ZBTB8OS: variants seen among roughly 807,000 people sequenced by gnomAD.
ZBTB8OS encodes the protein tRNA splicing ligase complex subunit 1, also known as tRNA-splicing ligase-activating factor archease.
ZBTB8OS carries 16 observed loss-of-function variants against 29.3 expected under a neutral mutation model. The ratio of observed to expected loss-of-function variants is 0.55; its 90% CI spans 0.37 to 0.83. The LOEUF (loss-of-function observed/expected upper bound fraction) is 0.83. Ranked by LOEUF, ZBTB8OS falls within the 40% of genes least tolerant of loss-of-function variation. The probability of loss-of-function intolerance (pLI) is 0.00; values close to 1 mark genes in which losing one functional copy is unlikely to be tolerated. For missense variants in ZBTB8OS, 160 were observed against 196.9 expected, an observed-to-expected ratio of 0.81 and a Z score of 1.12; for synonymous variants, 70 against 64.6, an observed-to-expected ratio of 1.08 and a Z score of -0.40.
chr1:32,644,674 A>G (rs1646700530), intron 1 of ZBTB8OS, among the ~76,000 whole-genome samples: 1 of 148,614 alleles, frequency 6.7e-6, no homozygotes, highest in African/African-American at 2.5e-5. Flanking sequence ...GTGCGACTAC[A>G]GGACTACACA....
At chr1:32,640,506 A>G (rs1250180740) in intron 1 of ZBTB8OS, among the ~76,000 whole-genome samples, 1 of 152,194 alleles carries the variant, frequency 6.6e-6, no homozygotes, top group African/African-American at 2.4e-5. Flanking sequence ...TTATGCACTT[A>G]GAATGAATCT....
At position 32,634,082 on chromosome 1, in the gene ZBTB8OS, T is replaced by C. The variant is rs1311097501; in HGVS notation, c.123-10A>G. The C allele has an allele frequency of 1.3e-6, 2 of 1,543,230 alleles. No individual in the cohort carries two copies. The highest frequency in any genetic ancestry group is 2.6e-5 in the South Asian group (2 of 76,744). ...TCCCCATGCGTGTAACCTAAAGAAG[T>C]ATATTCATGCTCTGTGTAATACAAT... On this transcript the variant is annotated splice_polypyrimidine_tract_variant and intron_variant, in intron 2 of 6. Coordinates refer to ENST00000468695, the MANE Select transcript of ZBTB8OS (RefSeq NM_178547.5).
At chr1:32,631,341 C>G (rs887537005) in intron 5 of ZBTB8OS, among the ~76,000 whole-genome samples, 1 of 122,240 alleles carries the variant, frequency 8.2e-6, no homozygotes, top group Non-Finnish European at 1.7e-5. Context: ...GGAGACAGAA[C>G]AAGACCCTGT....
At chr1:32,634,289 CG>C (rs1645792758) in intron 2 of ZBTB8OS, 1 of 348,790 alleles carries the variant, frequency 2.9e-6, no homozygotes, top group Admixed American at 4.5e-5. Flanking sequence ...TGCAGTAGTG[CG>C]ATCTCGGGTC....
chr1:32,626,417 C>T (rs539396999), intron 6 of ZBTB8OS, among the ~76,000 whole-genome samples: 10 of 152,252 alleles, frequency 6.6e-5, no homozygotes, highest in Non-Finnish European at 1.3e-4. Context: ...GAATGTATCC[C>T]AGTAGTTAAG....
At chr1:32,627,384 G>T in intron 6 of ZBTB8OS, 124 bp downstream of exon 6, 1 of 820,132 alleles carries the variant, frequency 1.2e-6, no homozygotes, top group Non-Finnish European at 2.0e-6. Context: ...AGACAGGTCA[G>T]AGAAGCTTGA....
intron 6 of ZBTB8OS, among the ~76,000 whole-genome samples, chr1:32,626,883 A>C (rs1011549848): frequency 3.3e-5 from 5 of 152,210 alleles, no homozygotes; most frequent in African/African-American, 1.2e-4. Context: ...GGGGAAAAAA[A>C]TCAAAACAAT....
At chr1:32,642,270 A>G (rs963823704) in intron 1 of ZBTB8OS, among the ~76,000 whole-genome samples, 2 of 152,138 alleles carry the variant, frequency 1.3e-5, no homozygotes, top group African/African-American at 4.8e-5. Context: ...TTGGGAGGCC[A>G]AGGCAGGCAA....
chr1:32,634,552 T>C (rs1645810897), intron 2 of ZBTB8OS: 2 of 581,798 alleles, frequency 3.4e-6, no homozygotes, highest in Non-Finnish European at 6.1e-6. Context: ...TTTTTTGAGA[T>C]GGGGTCTCTC....
intron 3 of ZBTB8OS, 67 bp from the exon 4 acceptor site, chr1:32,633,794 C>G: frequency 3.4e-6 from 5 of 1,475,222 alleles, no homozygotes; most frequent in Non-Finnish European, 4.6e-6. Flanking sequence ...TTTAAAAGTG[C>G]AATAAATAAA....
rs567130209 is a variant in ZBTB8OS at position 32,621,191 on chromosome 1, G to C, written c.*671C>G. ...CAAGGTGGGCGGATCACAAGGTCAG[G>C]AGATCAAGACCATCCTAGCTAACAC... On this transcript the variant is annotated 3_prime_UTR_variant, in exon 7 of 7. Transcript: ENST00000468695. 4 of 152,284 alleles carry C rather than the reference G, an allele frequency of 2.6e-5. No homozygotes were observed. The East Asian group carries it at 7.7e-4, about 29-fold the overall frequency. The allele number at this position is 152,284 out of a possible 1,614,324, so 9.4% of individuals were successfully genotyped here. A position where few individuals can be genotyped will look rare whatever the true frequency, so the allele number is the denominator to read the frequency against.
chr1:32,633,391 AAC>A lies in ZBTB8OS; in HGVS notation c.327+252_327+253del. On this transcript the variant is annotated intron_variant, in intron 4 of 6. Transcript: ENST00000468695. ...AAAAACAGAAAAAAATGTGGATGAA[AAC>A]TGTAGGTACATTTTTATCACACAAT... 8.2e-6 allele frequency: 3 copies of A among 367,512 alleles called. No homozygotes were observed. In the South Asian group the frequency reaches 1.6e-4, roughly 19 times the overall value. The allele number at this position is 367,512 out of a possible 1,614,324, so 22.8% of individuals were successfully genotyped here.
intron 1 of ZBTB8OS, among the ~76,000 whole-genome samples, chr1:32,638,868 C>T (rs1486762442): frequency 3.3e-5 from 5 of 152,078 alleles, no homozygotes; most frequent in South Asian, 2.1e-4. Flanking sequence ...GAGTTGAGAT[C>T]GCACTACTGC....
chr1:32,641,067 G>T (rs977500709), intron 1 of ZBTB8OS, among the ~76,000 whole-genome samples: 1 of 151,080 alleles, frequency 6.6e-6, no homozygotes, highest in Non-Finnish European at 1.5e-5. Flanking sequence ...AGCTAATCGG[G>T]AGGCCGAGGC....
rs577413683 is a variant in ZBTB8OS at position 32,620,863 on chromosome 1, C to T, written c.*999G>A. On this transcript the variant is annotated 3_prime_UTR_variant, in exon 7 of 7. Coordinates refer to ENST00000468695, the MANE Select transcript of ZBTB8OS (RefSeq NM_178547.5). ...TTTATTCTCTAGTTATAAACATGTA[C>T]TCACTTTCAAATAAAATTCTATATT... 6.6e-6 allele frequency: 1 copy of T among 152,284 alleles called. No homozygotes were observed. Among genetic ancestry groups the T allele is most frequent in the South Asian group, 2.1e-4 (1 of 4,828 alleles). The allele number at this position is 152,284 out of a possible 1,614,324, so 9.4% of individuals were successfully genotyped here. A position where few individuals can be genotyped will look rare whatever the true frequency, so the allele number is the denominator to read the frequency against.
At chr1:32,644,593 CATG>C (rs1646694563) in intron 1 of ZBTB8OS, among the ~76,000 whole-genome samples, 1 of 141,562 alleles carries the variant, frequency 7.1e-6, no homozygotes, top group Admixed American at 7.5e-5. Context: ...AGTATAGTGG[CATG>C]ATGATAACCC....
intron 2 of ZBTB8OS, 89 bp from the exon 3 acceptor site, chr1:32,634,161 GATAA>G (rs1350140231): frequency 6.6e-6 from 8 of 1,220,376 alleles, no homozygotes; most frequent in Non-Finnish European, 7.6e-6. Flanking sequence ...AATTCAGTAT[GATAA>G]ATACAAATTT....
chr1:32,647,436 CAAAAA>C (rs71006349), intron 1 of ZBTB8OS, among the ~76,000 whole-genome samples: 1 of 121,888 alleles, frequency 8.2e-6, no homozygotes, highest in South Asian at 2.7e-4. Flanking sequence ...GACTCTGTCT[CAAAAA>C]AAAAAAAAAA....
Position 32,633,987 on chromosome 1 carries a change from C to T in ZBTB8OS, c.208G>A (p.Val70Met). The change falls in exon 3 of 7, where the codon GTG (valine) becomes ATG (methionine). Residue 70 changes from valine to methionine, a missense_variant. Physicochemically the swap from Val to Met is conservative, Grantham distance 21. Transcript: ENST00000468695. The stretch of plus-strand genomic sequence containing the variant: ...ACTTCTACTGTTTGGAGGGGCTCCA[C>T]TGTCCCAGTATCTGTCATGTAACCA... ...MFGYMTDTGT[V>M]EPLQTVEVET... 1 of 1,591,674 alleles carries T rather than the reference C, an allele frequency of 6.3e-7. No individual in the cohort carries two copies. Among genetic ancestry groups the T allele is most frequent in the Non-Finnish European group, 8.5e-7 (1 of 1,174,650 alleles).
Sources: gnomAD v4.1 joint callset for allele counts (sites outside exome capture counted in the v4.1 genomes callset) on GRCh38, gnomAD v4.1.1 for gene constraint, MANE v1.5 for transcripts, NCBI Gene and HGNC (gene_info 2026-07-23, HGNC 2026-07-21) for gene names.